RBFOX1: variants seen among roughly 807,000 people sequenced by gnomAD.
The protein encoded by RBFOX1 is RNA binding protein fox-1 homolog 1.
RBFOX1 carries 8 observed loss-of-function variants against 57.7 expected under a neutral mutation model. The ratio of observed to expected loss-of-function variants is 0.14; its 90% CI spans 0.08 to 0.25. The LOEUF is 0.25. Among genes scored for constraint, RBFOX1 ranks in the 10% least tolerant of loss-of-function variants. RBFOX1 has a pLI of 1.00. For synonymous variants in RBFOX1, 326 were observed against 222.4 expected (o/e 1.47, Z -4.15); for missense variants, 611 against 548.5 (o/e 1.11, Z -1.14).
At chr16:7,206,471 G>A (rs1425403752) in intron 4 of RBFOX1, among the ~76,000 whole-genome samples, 1 of 149,750 alleles carries the variant, frequency 6.7e-6, no homozygotes, top group Non-Finnish European at 1.5e-5. Flanking sequence ...TAATATGCGT[G>A]TGTGCATATA....
At chr16:5,919,177 A>G (rs1296770963) in intron 4 of RBFOX1, among the ~76,000 whole-genome samples, 1 of 152,130 alleles carries the variant, frequency 6.6e-6, no homozygotes, top group Non-Finnish European at 1.5e-5. Context: ...CAAATTGCTG[A>G]CACTTCAGTG....
intron 3 of RBFOX1, among the ~76,000 whole-genome samples, chr16:5,678,705 C>G (rs931525235): frequency 4.6e-5 from 7 of 152,168 alleles, no homozygotes; most frequent in African/African-American, 1.7e-4. Flanking sequence ...TTCCCATTGT[C>G]TTTGGACAAA....
intron 2 of RBFOX1, among the ~76,000 whole-genome samples, chr16:6,522,813 C>T (rs1186645086): frequency 2.6e-5 from 4 of 152,176 alleles, no homozygotes; most frequent in African/African-American, 9.6e-5. Flanking sequence ...TTTGCCTTGA[C>T]CTGCAGGTTT....
intron 2 of RBFOX1, among the ~76,000 whole-genome samples, chr16:5,554,462 G>C (rs1466933592): frequency 6.6e-6 from 1 of 152,020 alleles, no homozygotes; most frequent in African/African-American, 2.4e-5. Flanking sequence ...GTATCTAAGA[G>C]TAAATGGAAA....
chr16:6,809,402 A>G (rs1001016884), intron 3 of RBFOX1, among the ~76,000 whole-genome samples: 7 of 152,166 alleles, frequency 4.6e-5, no homozygotes, highest in Non-Finnish European at 1.0e-4. Context: ...TTTTTAAAGA[A>G]TTATTTTTTA....
intron 2 of RBFOX1, among the ~76,000 whole-genome samples, chr16:6,331,354 G>A (rs1443581344): frequency 6.6e-6 from 1 of 152,080 alleles, no homozygotes; most frequent in African/African-American, 2.4e-5. Flanking sequence ...GGCTGAGGCA[G>A]GAGAATCATT....
chr16:6,730,518 C>T (rs1188294815), intron 3 of RBFOX1, among the ~76,000 whole-genome samples: 1 of 152,154 alleles, frequency 6.6e-6, no homozygotes, highest in Non-Finnish European at 1.5e-5. Context: ...ATCTACCTGT[C>T]TACCTAATCT....
At chr16:6,973,720 A>G (rs1277940711) in intron 3 of RBFOX1, among the ~76,000 whole-genome samples, 1 of 152,142 alleles carries the variant, frequency 6.6e-6, no homozygotes, top group Non-Finnish European at 1.5e-5. Flanking sequence ...TGTGATACTC[A>G]CTTTTAAGTT....
At chr16:6,933,000 C>G (rs1043747273) in intron 3 of RBFOX1, among the ~76,000 whole-genome samples, 9 of 152,166 alleles carry the variant, frequency 5.9e-5, no homozygotes, top group Admixed American at 5.2e-4. Context: ...CAGTATTTGT[C>G]TTTTTGTTAC....
At chr16:6,283,854 T>A (rs906748385) in intron 1 of RBFOX1, among the ~76,000 whole-genome samples, 22 of 152,362 alleles carry the variant, frequency 1.4e-4, no homozygotes, top group Admixed American at 1.4e-3. Flanking sequence ...ATGGCACTTT[T>A]AATTTATTTT....
chr16:6,311,532 G>A (rs774542669), intron 1 of RBFOX1, among the ~76,000 whole-genome samples: 12 of 152,112 alleles, frequency 7.9e-5, no homozygotes, highest in African/African-American at 1.9e-4. Flanking sequence ...AAATGCCTAC[G>A]CCTGATGGCA....
At chr16:6,181,985 C>G (rs2097066943) in intron 1 of RBFOX1, among the ~76,000 whole-genome samples, 1 of 152,126 alleles carries the variant, frequency 6.6e-6, no homozygotes, top group Non-Finnish European at 1.5e-5. Flanking sequence ...CATTTTATAT[C>G]ATTTCTGATC....
chr16:7,473,472 A>C (rs887489856), intron 4 of RBFOX1, among the ~76,000 whole-genome samples: 3 of 148,130 alleles, frequency 2.0e-5, no homozygotes, highest in African/African-American at 7.4e-5. Context: ...TCCTTTATAC[A>C]TAATATATAT....
intron 4 of RBFOX1, among the ~76,000 whole-genome samples, chr16:7,444,019 T>C (rs1237640483): frequency 6.6e-6 from 1 of 152,222 alleles, no homozygotes; most frequent in Non-Finnish European, 1.5e-5. Context: ...ATAGTTAGAA[T>C]TGTTTTCTGT....
intron 4 of RBFOX1, among the ~76,000 whole-genome samples, chr16:7,181,554 T>TCTCTCTTTCTCTCTTC (rs894809249): frequency 2.9e-4 from 44 of 151,448 alleles, no homozygotes; most frequent in Admixed American, 5.3e-4. Flanking sequence ...CTTTCTCTCA[T>TCTCTCTTTCTCTCTTC]CTCTCTTTCT....
chr16:7,136,744 C>G (rs563454955), intron 4 of RBFOX1, among the ~76,000 whole-genome samples: 3 of 152,140 alleles, frequency 2.0e-5, no homozygotes, highest in African/African-American at 7.2e-5. Context: ...TCGGATAGTG[C>G]TAGGCCAGAG....
At chr16:7,070,652 G>A (rs942569858) in intron 4 of RBFOX1, among the ~76,000 whole-genome samples, 2 of 152,294 alleles carry the variant, frequency 1.3e-5, no homozygotes, top group African/African-American at 4.8e-5. Flanking sequence ...CTAATGCAGA[G>A]CCATCTCCCT....
intron 14 of RBFOX1, among the ~76,000 whole-genome samples, chr16:7,704,170 G>T (rs2081650921): frequency 6.6e-6 from 1 of 152,110 alleles, no homozygotes; most frequent in South Asian, 2.1e-4. Context: ...GGATCTTTTT[G>T]CCCCAAGTCC....
intron 4 of RBFOX1, among the ~76,000 whole-genome samples, chr16:7,206,464 T>A (rs1417648301): frequency 6.7e-6 from 1 of 149,234 alleles, no homozygotes; most frequent in Non-Finnish European, 1.5e-5. Context: ...ATATATATAA[T>A]ATGCGTGTGT....
Sources: gnomAD v4.1 joint callset for allele counts (sites outside exome capture counted in the v4.1 genomes callset) on GRCh38, gnomAD v4.1.1 for gene constraint, MANE v1.5 for transcripts, NCBI Gene and HGNC (gene_info 2026-07-23, HGNC 2026-07-21) for gene names.